TRIM5: variants seen among roughly 807,000 people sequenced by gnomAD.
The protein encoded by TRIM5 is tripartite motif containing 5.
TRIM5 carries 31 observed loss-of-function variants against 35.6 expected under a neutral mutation model. That is an observed-to-expected ratio of 0.87 (90% CI 0.65 to 1.18). The LOEUF (loss-of-function observed/expected upper bound fraction) is 1.18, where lower values mean the gene tolerates loss of function less well. Ranked by LOEUF, TRIM5 falls within the 50% of genes most tolerant of loss-of-function variation. TRIM5 has a pLI of 0.00. For missense variants in TRIM5, 609 were observed against 591.6 expected, an observed-to-expected ratio of 1.03 and a Z score of -0.31; for synonymous variants, 243 against 215.6, an observed-to-expected ratio of 1.13 and a Z score of -1.11.
chr11:5,656,347 AACAG>A, the TRIM5 span, among the ~76,000 whole-genome samples: 16 of 136,990 alleles, frequency 1.2e-4, no homozygotes, highest in Non-Finnish European at 2.4e-4. Context: ...GAAGGATATG[AACAG>A]ACACTTTTTT....
At chr11:5,598,359 A>C in the TRIM5 span, among the ~76,000 whole-genome samples, 6,237 of 152,234 alleles carry the variant, frequency 0.041, 135 homozygotes, top group South Asian at 0.098. Context: ...CAACTCTTAC[A>C]AATCTTTTTT....
chr11:5,635,375 A>G, the TRIM5 span, among the ~76,000 whole-genome samples: 6 of 150,910 alleles, frequency 4.0e-5, no homozygotes, highest in Non-Finnish European at 7.4e-5. Flanking sequence ...CCTGCCCAGC[A>G]TCCCGAGTAG....
chr11:5,610,833 C>T, the TRIM5 span: 16 of 1,614,132 alleles, frequency 9.9e-6, no homozygotes, highest in South Asian at 5.5e-5. Context: ...GGCTAAAAAC[C>T]GGAGACAAGT....
At chr11:5,676,157 A>G (rs1367916265) in intron 4 of TRIM5, among the ~76,000 whole-genome samples, 1 of 151,254 alleles carries the variant, frequency 6.6e-6, no homozygotes, top group Non-Finnish European at 1.5e-5. Flanking sequence ...TGCCACAATA[A>G]ACATACGTGT....
At chr11:5,646,361 G>C in the TRIM5 span, among the ~76,000 whole-genome samples, 17 of 152,224 alleles carry the variant, frequency 1.1e-4, no homozygotes, top group Admixed American at 3.9e-4. Context: ...CAATGAATTT[G>C]CGAATAATAG....
chr11:5,610,997 T>A, the TRIM5 span: 2 of 1,614,166 alleles, frequency 1.2e-6, no homozygotes, highest in East Asian at 4.5e-5. Flanking sequence ...TATGCAGCAA[T>A]TCACTGGGAC....
intron 4 of TRIM5, among the ~76,000 whole-genome samples, chr11:5,672,751 G>A (rs960418435): frequency 6.6e-6 from 1 of 152,100 alleles, no homozygotes; most frequent in African/African-American, 2.4e-5. Flanking sequence ...TGACATATAT[G>A]CATGTGAGAT....
chr11:5,658,744 T>C (rs1474557438), downstream of TRIM5, among the ~76,000 whole-genome samples: 3 of 152,204 alleles, frequency 2.0e-5, no homozygotes, highest in Non-Finnish European at 1.5e-5. Context: ...GCATGATTTA[T>C]AATCCTTTGG....
At chr11:5,625,765 T>A in the TRIM5 span, among the ~76,000 whole-genome samples, 1 of 152,222 alleles carries the variant, frequency 6.6e-6, no homozygotes, top group Non-Finnish European at 1.5e-5. Flanking sequence ...TTACTTTTAC[T>A]TCAGTAACCC....
At position 5,664,882 on chromosome 11, in the gene TRIM5, G is replaced by C; in HGVS notation, c.1409C>G (p.Ser470Cys). The change falls in exon 8 of 8, where the codon TCT (serine) becomes TGT (cysteine). Residue 470 changes from serine (S) to cysteine (C), a missense_variant. By Grantham distance (112) the Ser-to-Cys change is moderately radical (BLOSUM62 -1). Transcript: ENST00000380034. Reference protein sequence around the residue: ...LIYKFSHCSFSQPVFPYLNPR... With the variant: ...LIYKFSHCSFCQPVFPYLNPR... ...ATTTAAATATGGAAATACAGGCTGA[G>C]AAAAAGAACAGTGAGAAAACTTATA... is the stretch of plus-strand genomic sequence containing the variant. 1.2e-6 allele frequency: 2 copies of C among 1,613,970 alleles called. No homozygotes were observed. The highest frequency in any genetic ancestry group is 1.1e-5 in the South Asian group (1 of 91,058).
chr11:5,600,036 T>C, the TRIM5 span, among the ~76,000 whole-genome samples: 1 of 152,218 alleles, frequency 6.6e-6, no homozygotes, highest in African/African-American at 2.4e-5. Context: ...GTGTGATTAA[T>C]TTGGTTAAAC....
At chr11:5,650,669 C>T in the TRIM5 span, among the ~76,000 whole-genome samples, 1 of 152,166 alleles carries the variant, frequency 6.6e-6, no homozygotes, top group African/African-American at 2.4e-5. Flanking sequence ...GTAGATAACA[C>T]TTCCGTTTTT....
At chr11:5,592,227 C>T in the TRIM5 span, among the ~76,000 whole-genome samples, 52 of 152,244 alleles carry the variant, frequency 3.4e-4, no homozygotes, top group African/African-American at 1.1e-3. Context: ...TTTTATTCAT[C>T]GGTATTACTC....
At chr11:5,617,868 G>A in the TRIM5 span, among the ~76,000 whole-genome samples, 4 of 151,986 alleles carry the variant, frequency 2.6e-5, no homozygotes, top group Non-Finnish European at 5.9e-5. Flanking sequence ...GAAAATGGAG[G>A]TACAGTGAGA....
At chr11:5,682,707 C>G (rs1005241144) in intron 1 of TRIM5, among the ~76,000 whole-genome samples, 34 of 152,236 alleles carry the variant, frequency 2.2e-4, no homozygotes, top group African/African-American at 7.7e-4. Context: ...AAGTTACCCC[C>G]TCCCCCACAC....
chr11:5,643,117 A>ATC, the TRIM5 span: 4 of 1,173,358 alleles, frequency 3.4e-6, no homozygotes, highest in Non-Finnish European at 4.3e-6. Flanking sequence ...TCATATACAT[A>ATC]TATATATATT....
At chr11:5,654,183 T>C in the TRIM5 span, among the ~76,000 whole-genome samples, 267 of 152,336 alleles carry the variant, frequency 1.8e-3, 2 homozygotes, top group South Asian at 3.1e-3. Flanking sequence ...AAACCTTTTA[T>C]TGAAGAATTG....
chr11:5,658,908 A>AACCAAAC (rs1275037314), downstream of TRIM5, among the ~76,000 whole-genome samples: 20 of 152,286 alleles, frequency 1.3e-4, no homozygotes, highest in African/African-American at 4.3e-4. Flanking sequence ...AAGGACAGAA[A>AACCAAAC]ACCAAACACC....
the TRIM5 span, chr11:5,605,302 G>A: frequency 5.8e-5 from 93 of 1,612,736 alleles, no homozygotes; most frequent in Non-Finnish European, 7.5e-5. Context: ...CAGTGTGACC[G>A]ACTAGCAGCC....
Sources: allele counts gnomAD v4.1 joint callset (sites outside exome capture counted in the v4.1 genomes callset), GRCh38; gene constraint gnomAD v4.1.1; transcripts MANE v1.5; gene names NCBI Gene and HGNC (gene_info 2026-07-23, HGNC 2026-07-21).